The following AMD1 variants were observed in gnomAD, a reference collection of about 807,000 sequenced individuals.
AMD1 encodes the protein S-adenosylmethionine decarboxylase proenzyme.
AMD1 carries 11 observed loss-of-function variants against 40.2 expected under a neutral mutation model. That is an observed-to-expected ratio of 0.27 (90% CI 0.17 to 0.45). The LOEUF (loss-of-function observed/expected upper bound fraction) is 0.45, where lower values mean the gene tolerates loss of function less well. AMD1 is among the 20% of genes least tolerant of loss of function. The probability of loss-of-function intolerance (pLI) is 1.00; values close to 1 mark genes in which losing one functional copy is unlikely to be tolerated. For synonymous variants in AMD1, 121 were observed against 130.8 expected (o/e 0.93, Z 0.51); for missense variants, 257 against 410.2 (o/e 0.63, Z 3.23).
the AMD1 span, among the ~76,000 whole-genome samples, chr6:110,857,609 GTATA>G: frequency 1.8e-5 from 2 of 108,674 alleles, no homozygotes; most frequent in African/African-American, 6.7e-5. Flanking sequence ...TATATATATG[GTATA>G]TATATAGGTG....
At chr6:110,869,275 A>C in the AMD1 span, among the ~76,000 whole-genome samples, 71 of 148,786 alleles carry the variant, frequency 4.8e-4, no homozygotes, top group Middle Eastern at 0.015. Flanking sequence ...GGACTACAGG[A>C]GCCCGCCACC....
At chr6:110,860,833 C>A in the AMD1 span, among the ~76,000 whole-genome samples, 20,317 of 127,818 alleles carry the variant, frequency 0.16, 1,751 homozygotes, top group East Asian at 0.48. Flanking sequence ...AAACACCCAC[C>A]CACACACACA....
At chr6:110,846,496 A>G in the AMD1 span, among the ~76,000 whole-genome samples, 4 of 152,336 alleles carry the variant, frequency 2.6e-5, no homozygotes, top group East Asian at 5.8e-4. Context: ...ATGCCATTGT[A>G]TAAATTAACA....
the AMD1 span, among the ~76,000 whole-genome samples, chr6:110,847,744 C>T: frequency 6.7e-6 from 1 of 149,320 alleles, no homozygotes. Context: ...TGAAGTCTTG[C>T]TCTGTCACCT....
At chr6:110,859,859 T>C in the AMD1 span, among the ~76,000 whole-genome samples, 4 of 152,094 alleles carry the variant, frequency 2.6e-5, no homozygotes, top group African/African-American at 4.8e-5. Context: ...TTGATGTTGT[T>C]GTTGTTGTTG....
chr6:110,864,063 G>T, the AMD1 span: 1 of 239,422 alleles, frequency 4.2e-6, no homozygotes, highest in Non-Finnish European at 8.3e-6. Context: ...GGGTTCAAGT[G>T]ATTCTCCTGC....
the AMD1 span, among the ~76,000 whole-genome samples, chr6:110,859,790 T>C: frequency 4.6e-5 from 7 of 152,278 alleles, no homozygotes; most frequent in Non-Finnish European, 8.8e-5. Context: ...GGGCTAAGCC[T>C]GACTCCTTCT....
the AMD1 span, among the ~76,000 whole-genome samples, chr6:110,844,791 A>T: frequency 7.3e-6 from 1 of 136,762 alleles, no homozygotes; most frequent in East Asian, 2.0e-4. Flanking sequence ...CAGAAAAAAA[A>T]AAGAAAGAAA....
chr6:110,847,715 G>GTTT, the AMD1 span, among the ~76,000 whole-genome samples: 7 of 141,734 alleles, frequency 4.9e-5, no homozygotes, highest in Non-Finnish European at 7.7e-5. Context: ...TTTGTTTTTT[G>GTTT]TTTTTTGTTT....
chr6:110,834,488 A>T, the AMD1 span, among the ~76,000 whole-genome samples: 1 of 152,160 alleles, frequency 6.6e-6, no homozygotes, highest in Non-Finnish European at 1.5e-5. Flanking sequence ...CTGCTTCTGC[A>T]GTCATTCTAT....
chr6:110,848,166 A>G, the AMD1 span, among the ~76,000 whole-genome samples: 1 of 152,090 alleles, frequency 6.6e-6, no homozygotes, highest in Non-Finnish European at 1.5e-5. Context: ...GAAGAGCTTG[A>G]AAAGGACAAG....
chr6:110,867,577 T>A, the AMD1 span, among the ~76,000 whole-genome samples: 3 of 152,150 alleles, frequency 2.0e-5, no homozygotes, highest in African/African-American at 7.2e-5. Context: ...AGCTCCAGAA[T>A]CGCTTGAACC....
the AMD1 span, among the ~76,000 whole-genome samples, chr6:110,828,548 G>T: frequency 6.6e-6 from 1 of 152,192 alleles, no homozygotes. Flanking sequence ...GGTGTGCCCA[G>T]CATCAACGGA....
In AMD1 at chr6:110,874,893, ACT is replaced by A. The variant is rs575067064; in HGVS notation, c.-211_-210del. 5.4e-6 allele frequency: 3 copies of A among 551,396 alleles called. No individual in the cohort carries two copies. Among genetic ancestry groups the A allele is most frequent in the Non-Finnish European group, 6.4e-6 (2 of 310,266 alleles). The allele number at this position is 551,396 out of a possible 1,614,324, so 34.2% of individuals were successfully genotyped here. A position where few individuals can be genotyped will look rare whatever the true frequency, so the allele number is the denominator to read the frequency against. ...CTGTATCTGCCTCTATTTCCAAAAGACTCACGTTCAACTTTCGCTCACACAAA... is the reference window on the plus strand; with the variant it reads ...CTGTATCTGCCTCTATTTCCAAAAGACACGTTCAACTTTCGCTCACACAAA... On this transcript the variant is annotated 5_prime_UTR_variant, in exon 1 of 9. Transcript: ENST00000368885.
chr6:110,893,331 C>T, intron 8 of AMD1, 145 bp from the exon 9 acceptor site: 3 of 1,147,522 alleles, frequency 2.6e-6, no homozygotes, highest in Non-Finnish European at 3.7e-6. Context: ...ATAAGATGCC[C>T]TGGCCCCTCC....
At chr6:110,821,567 T>A in the AMD1 span, among the ~76,000 whole-genome samples, 1 of 151,842 alleles carries the variant, frequency 6.6e-6, no homozygotes, top group Non-Finnish European at 1.5e-5. Context: ...TGAGCCAAGA[T>A]CATGCCGTTG....
the AMD1 span, chr6:110,864,150 G>A: frequency 2.4e-5 from 4 of 169,484 alleles, no homozygotes; most frequent in African/African-American, 9.6e-5. Context: ...TTAGAGACGG[G>A]CCAGGCTGGT....
At chr6:110,849,029 GA>G in the AMD1 span, among the ~76,000 whole-genome samples, 5 of 152,076 alleles carry the variant, frequency 3.3e-5, no homozygotes, top group Admixed American at 2.6e-4. Flanking sequence ...ATTGATTCTA[GA>G]ACTGTAGAAG....
At chr6:110,862,770 T>C in the AMD1 span, among the ~76,000 whole-genome samples, 1 of 151,264 alleles carries the variant, frequency 6.6e-6, no homozygotes, top group Non-Finnish European at 1.5e-5. Flanking sequence ...GCACTCGGCC[T>C]ATTTACTTTG....
Sources: gnomAD v4.1 joint callset for allele counts (sites outside exome capture counted in the v4.1 genomes callset) on GRCh38, gnomAD v4.1.1 for gene constraint, MANE v1.5 for transcripts, NCBI Gene and HGNC (gene_info 2026-07-23, HGNC 2026-07-21) for gene names.